The following DLGAP1 variants were observed in gnomAD, a reference collection of about 807,000 sequenced individuals.
DLGAP1 encodes disks large-associated protein 1.
DLGAP1 carries 11 observed loss-of-function variants against 90.8 expected under a neutral mutation model. The observed-to-expected ratio is 0.12, with a 90% CI of 0.08 to 0.20. The LOEUF (loss-of-function observed/expected upper bound fraction) is 0.20, where lower values mean the gene tolerates loss of function less well. Ranked by LOEUF, DLGAP1 falls within the 10% of genes least tolerant of loss-of-function variation. The probability of loss-of-function intolerance (pLI) is 1.00; values close to 1 mark genes in which losing one functional copy is unlikely to be tolerated. For missense variants in DLGAP1, 1,050 were observed against 1,333.8 expected (o/e 0.79, Z 3.31); for synonymous variants, 558 against 540.7 (o/e 1.03, Z -0.44).
chr18:4,450,776 T>C (rs933791608), intron 1 of DLGAP1, among the ~76,000 whole-genome samples: 3 of 152,198 alleles, frequency 2.0e-5, no homozygotes, highest in Non-Finnish European at 4.4e-5. Context: ...CAAACCATGA[T>C]AAGTGAATAT....
chr18:4,006,408 T>G (rs2074301074), intron 2 of DLGAP1, among the ~76,000 whole-genome samples: 2 of 152,194 alleles, frequency 1.3e-5, no homozygotes, highest in African/African-American at 4.8e-5. Flanking sequence ...ATTTCTTCAT[T>G]AATACTCTCT....
Position 4,172,407 on chromosome 18 carries a change from C to T in DLGAP1, c.-266-21120G>A, listed in dbSNP as rs376336516. 5.7e-4 allele frequency among the ~76,000 whole-genome samples: 87 copies of T among 152,264 alleles called. 1 individual carries two copies. In the South Asian group the frequency reaches 0.012, roughly 20 times the overall value. ...AAGAGTCACATGTCTTGTACACAGG[C>T]AACTTTCTAAATATATCACCATTTA... On this transcript the variant is annotated intron_variant, in intron 1 of 12. Coordinates refer to ENST00000315677, the MANE Select transcript of DLGAP1 (RefSeq NM_004746.4).
intron 4 of DLGAP1, among the ~76,000 whole-genome samples, chr18:3,825,938 G>A (rs974453409): frequency 1.3e-5 from 2 of 152,124 alleles, no homozygotes; most frequent in African/African-American, 4.8e-5. Flanking sequence ...GGAATACTAT[G>A]CAGCCATAAA....
In DLGAP1 at chr18:3,815,974, G is replaced by A. The variant is rs536554045; in HGVS notation, c.958-1701C>T. Among the ~76,000 whole-genome samples the A allele has an allele frequency of 2.0e-5, 3 of 152,206 alleles. No individual in the cohort carries two copies. In the South Asian group the frequency reaches 6.2e-4, roughly 32 times the overall value. On this transcript the variant is annotated intron_variant, in intron 4 of 12. Transcript: ENST00000315677. The stretch of plus-strand genomic sequence containing the variant: ...AGGAGGATCCAGGAAAGGCTCCCTG[G>A]AATTGGCCAGGTTTGCAATGAGAAA...
At chr18:4,075,338 AAGAAATAGGG>A (rs1003812063) in intron 2 of DLGAP1, among the ~76,000 whole-genome samples, 25 of 152,320 alleles carry the variant, frequency 1.6e-4, no homozygotes, top group African/African-American at 6.0e-4. Context: ...ACAGTGTAAA[AAGAAATAGGG>A]AGAAAGCAAA....
rs139732549 is a variant in DLGAP1 at position 3,643,210 on chromosome 18, G to A, written c.1592-60962C>T. Among the ~76,000 whole-genome samples the A allele has an allele frequency of 1.9e-3, 294 of 151,930 alleles. 2 individuals carry two copies. The highest frequency in any genetic ancestry group is 0.01 in the Middle Eastern group (3 of 294). On this transcript the variant is annotated intron_variant, in intron 7 of 12. Coordinates refer to ENST00000315677, the MANE Select transcript of DLGAP1 (RefSeq NM_004746.4). ...GTATAATATGCCACCTTTTGTATAC[G>A]TAGAAACGGGAGGACAGATGAAAGA...
intron 1 of DLGAP1, among the ~76,000 whole-genome samples, chr18:4,377,486 T>G (rs2082037382): frequency 6.6e-6 from 1 of 152,172 alleles, no homozygotes; most frequent in South Asian, 2.1e-4. Flanking sequence ...GGAATGTATT[T>G]TGATCTCACT....
chr18:3,654,211 C>G (rs1242877056), intron 7 of DLGAP1, among the ~76,000 whole-genome samples: 1 of 152,112 alleles, frequency 6.6e-6, no homozygotes, highest in African/African-American at 2.4e-5. Flanking sequence ...TCCTGTGAGC[C>G]CCAGGGACTC....
chr18:4,143,103 G>A (rs544177747), intron 2 of DLGAP1, among the ~76,000 whole-genome samples: 3 of 152,176 alleles, frequency 2.0e-5, no homozygotes, highest in South Asian at 2.1e-4. Context: ...CCCAAGGCCC[G>A]CACTAACCAC....
intron 7 of DLGAP1, among the ~76,000 whole-genome samples, chr18:3,635,231 C>T (rs538491938): frequency 2.2e-4 from 34 of 151,592 alleles, no homozygotes; most frequent in South Asian, 1.3e-3. Context: ...CCCGGGTTCA[C>T]GCCATTCTCC....
chr18:3,925,413 C>T (rs1429148249), intron 3 of DLGAP1, among the ~76,000 whole-genome samples: 1 of 151,944 alleles, frequency 6.6e-6, no homozygotes, highest in Non-Finnish European at 1.5e-5. Flanking sequence ...TTCCTACTTA[C>T]CTCCACTTAG....
At chr18:4,165,214 T>G (rs756514587) in intron 1 of DLGAP1, among the ~76,000 whole-genome samples, 7 of 152,102 alleles carry the variant, frequency 4.6e-5, no homozygotes, top group Non-Finnish European at 8.8e-5. Context: ...AGAGAAAATA[T>G]TTTGAAAGGA....
Position 4,284,426 on chromosome 18 carries a change from T to C in DLGAP1, c.-266-133139A>G, listed in dbSNP as rs1354551565. 1.3e-5 allele frequency among the ~76,000 whole-genome samples: 2 copies of C among 152,118 alleles called. 1 individual carries two copies. Among genetic ancestry groups the C allele is most frequent in the South Asian group, 4.1e-4 (2 of 4,830 alleles). On this transcript the variant is annotated intron_variant, in intron 1 of 12. Coordinates refer to ENST00000315677, the MANE Select transcript of DLGAP1 (RefSeq NM_004746.4). ...AACGCTTTATCCCATCAAAGGCCTA[T>C]GAACAAGGAGCTCTTGAGTTCGAGT...
chr18:4,402,895 A>G (rs1195681318), intron 1 of DLGAP1, among the ~76,000 whole-genome samples: 4 of 152,144 alleles, frequency 2.6e-5, no homozygotes, highest in Non-Finnish European at 4.4e-5. Context: ...GATTGTACAG[A>G]TTTATAGATG....
At chr18:4,071,545 T>G (rs949848940) in intron 2 of DLGAP1, among the ~76,000 whole-genome samples, 4 of 152,160 alleles carry the variant, frequency 2.6e-5, no homozygotes, top group African/African-American at 9.6e-5. Flanking sequence ...GAAACATTTG[T>G]CAGCGTCGTC....
chr18:4,089,286 C>A (rs2075732325), intron 2 of DLGAP1, among the ~76,000 whole-genome samples: 1 of 152,142 alleles, frequency 6.6e-6, no homozygotes, highest in Non-Finnish European at 1.5e-5. Flanking sequence ...CAAATCACTC[C>A]TCAAGGAAAT....
chr18:3,781,657 T>C (rs2148128622), intron 5 of DLGAP1, among the ~76,000 whole-genome samples: 1 of 152,202 alleles, frequency 6.6e-6, no homozygotes, highest in East Asian at 1.9e-4. Flanking sequence ...TTCAATTTTG[T>C]ACCTTGTGTG....
chr18:4,296,705 G>C (rs1045204062), intron 1 of DLGAP1, among the ~76,000 whole-genome samples: 8 of 152,218 alleles, frequency 5.3e-5, no homozygotes, highest in African/African-American at 4.8e-5. Context: ...ACCTCTAGAT[G>C]CTGGCAATTT....
chr18:4,162,110 A>T (rs1325973971), intron 1 of DLGAP1, among the ~76,000 whole-genome samples: 1 of 152,212 alleles, frequency 6.6e-6, no homozygotes, highest in African/African-American at 2.4e-5. Flanking sequence ...GTAAACAAAA[A>T]AGAAAGATTC....
Sources: gnomAD v4.1 joint callset for allele counts (sites outside exome capture counted in the v4.1 genomes callset) on GRCh38, gnomAD v4.1.1 for gene constraint, MANE v1.5 for transcripts, NCBI Gene and HGNC (gene_info 2026-07-23, HGNC 2026-07-21) for gene names.